The following CNTNAP3B variants were observed in gnomAD, a reference collection of about 807,000 sequenced individuals.
CNTNAP3B encodes contactin-associated protein-like 3B.
CNTNAP3B carries 25 observed loss-of-function variants against 108.9 expected under a neutral mutation model. The ratio of observed to expected loss-of-function variants is 0.23; its 90% confidence interval spans 0.17 to 0.32. The LOEUF (loss-of-function observed/expected upper bound fraction) is 0.32, where lower values mean the gene tolerates loss of function less well. CNTNAP3B is among the 10% of genes least tolerant of loss of function. The pLI is 1.00. For synonymous variants in CNTNAP3B, 103 were observed against 473.4 expected, an observed-to-expected ratio of 0.22 and a Z score of 10.16; for missense variants, 252 against 1,210.4, an observed-to-expected ratio of 0.21 and a Z score of 11.75.
chr9:41,922,496 CAA>C (rs773222501), intron 17 of CNTNAP3B, among the ~76,000 whole-genome samples, 179 bp downstream of exon 17: 1 of 142,482 alleles, frequency 7.0e-6, no homozygotes, highest in Non-Finnish European at 1.5e-5. Flanking sequence ...AACAAACAAA[CAA>C]AAGAAATGTC....
chr9:42,107,645 A>G (rs1828107982), intron 1 of CNTNAP3B, among the ~76,000 whole-genome samples: 1 of 132,040 alleles, frequency 7.6e-6, no homozygotes, highest in Non-Finnish European at 1.6e-5. Context: ...TAATGAAGAA[A>G]ATTTCTGGCA....
rs1826899924 is a variant in CNTNAP3B, at chr9:42,047,682, T to TCTTC, written c.390+29186_390+29187insGAAG. The stretch of plus-strand genomic sequence containing the variant: ...TCCCCCCTTCTGCCCCTTCCTCCCT[T>TCTTC]CCTTCCTTCCTTCCTTCCTTCCTTC... On this transcript the variant is annotated intron_variant, in intron 3 of 23. Coordinates refer to ENST00000377561, the MANE Select transcript of CNTNAP3B (RefSeq NM_001201380.3). Among the ~76,000 whole-genome samples the TCTTC allele has an allele frequency of 7.2e-5, 2 of 27,862 alleles. 1 individual carries two copies. Among genetic ancestry groups the TCTTC allele is most frequent in the East Asian group, 6.8e-3 (2 of 292 alleles). The allele number at this position is 27,862 out of a possible 152,430, so 18.3% of individuals were successfully genotyped here.
chr9:41,945,634 G>T (rs1341856840), intron 13 of CNTNAP3B, among the ~76,000 whole-genome samples: 3 of 152,310 alleles, frequency 2.0e-5, no homozygotes, highest in Admixed American at 6.5e-5. Context: ...GGGGAGAGGG[G>T]AGGAATAGCA....
At chr9:41,894,342 G>A (rs1465548088) in intron 23 of CNTNAP3B, among the ~76,000 whole-genome samples, 1 of 102,466 alleles carries the variant, frequency 9.8e-6, no homozygotes, top group Non-Finnish European at 1.9e-5. Flanking sequence ...TGCCCAGGCT[G>A]GTCTCGAACT....
rs1197373183 is a variant in CNTNAP3B at position 41,967,419 on chromosome 9, G to T, written c.1649+2655C>A. ...TTCTCCTTCACCTTCTGCTATCATT[G>T]TGAGGTCTCCCCAGCCATGTGGAAC... On this transcript the variant is annotated intron_variant, in intron 10 of 23. Transcript: ENST00000377561. 4.6e-5 allele frequency among the ~76,000 whole-genome samples: 7 copies of T among 150,840 alleles called. No homozygotes were observed. The East Asian group carries it at 1.2e-3, about 25-fold the overall frequency.
At chr9:41,932,656 A>T (rs1332983120) in intron 14 of CNTNAP3B, among the ~76,000 whole-genome samples, 1 of 152,134 alleles carries the variant, frequency 6.6e-6, no homozygotes, top group South Asian at 2.1e-4. Context: ...AGTAGCTGGG[A>T]TTACATGCGT....
rs538492216 is a variant in CNTNAP3B at position 41,956,463 on chromosome 9, G to A, written c.1877-3077C>T. Among the ~76,000 whole-genome samples the A allele has an allele frequency of 2.1e-4, 32 of 152,318 alleles. No homozygotes were observed. The East Asian group carries it at 4.0e-3, about 19-fold the overall frequency. On this transcript the variant is annotated intron_variant, in intron 12 of 23. Coordinates refer to ENST00000377561, the MANE Select transcript of CNTNAP3B (RefSeq NM_001201380.3). Reference sequence around the variant, plus strand: ...GCATATGGTTTCACATAGGGAAGTCGCAATATTGTAAGTAGAACTACTGTA... The same window carrying A: ...GCATATGGTTTCACATAGGGAAGTCACAATATTGTAAGTAGAACTACTGTA...
intron 2 of CNTNAP3B, among the ~76,000 whole-genome samples, chr9:42,083,101 T>G (rs1827636095): frequency 7.3e-6 from 1 of 136,142 alleles, no homozygotes; most frequent in Non-Finnish European, 1.6e-5. Context: ...AAGAAAATTA[T>G]TTTGTAATGA....
At chr9:41,935,543 G>T (rs897737339) in intron 14 of CNTNAP3B, among the ~76,000 whole-genome samples, 2 of 152,236 alleles carry the variant, frequency 1.3e-5, no homozygotes, top group African/African-American at 4.8e-5. Flanking sequence ...CATGAGACTG[G>T]TAAATTCCAT....
intron 13 of CNTNAP3B, among the ~76,000 whole-genome samples, chr9:41,939,025 G>A (rs1824247440): frequency 6.6e-6 from 1 of 152,260 alleles, no homozygotes; most frequent in Admixed American, 6.5e-5. Context: ...GTCAACTACA[G>A]CTCTGACGAG....
intron 3 of CNTNAP3B, among the ~76,000 whole-genome samples, chr9:42,054,693 T>TA (rs1207941138): frequency 0.023 from 3,519 of 151,434 alleles, 1 homozygote; most frequent in African/African-American, 0.081. Context: ...CTCATTAATT[T>TA]AAAAAACACC....
intron 2 of CNTNAP3B, among the ~76,000 whole-genome samples, chr9:42,090,840 T>TACACACACAC (rs200483365): frequency 1.3e-5 from 1 of 75,268 alleles, no homozygotes; most frequent in Non-Finnish European, 2.7e-5. Context: ...TGCAACTGAA[T>TACACACACAC]ACACACACAC....
chr9:41,936,033 A>G (rs1053832555), intron 14 of CNTNAP3B, among the ~76,000 whole-genome samples: 8 of 152,380 alleles, frequency 5.3e-5, no homozygotes, highest in African/African-American at 1.7e-4. Flanking sequence ...AGTCTACAAT[A>G]AAGTATGCAC....
intron 13 of CNTNAP3B, among the ~76,000 whole-genome samples, chr9:41,950,927 T>C (rs1379517896): frequency 6.7e-6 from 1 of 148,410 alleles, no homozygotes; most frequent in African/African-American, 2.5e-5. Context: ...GGCTACTTTT[T>C]TGTATTTTTA....
intron 14 of CNTNAP3B, among the ~76,000 whole-genome samples, chr9:41,934,185 A>G (rs1292763301): frequency 2.0e-5 from 2 of 101,526 alleles, no homozygotes; most frequent in East Asian, 4.8e-4. Flanking sequence ...ATACACACAC[A>G]CACATATATA....
At chr9:41,942,566 G>A (rs1230243126) in intron 13 of CNTNAP3B, among the ~76,000 whole-genome samples, 2 of 149,736 alleles carry the variant, frequency 1.3e-5, no homozygotes, top group Non-Finnish European at 3.0e-5. Flanking sequence ...AGCTGAGATG[G>A]CGCCACTGCA....
At position 41,971,010 on chromosome 9, in the gene CNTNAP3B, C is replaced by T. The variant is rs1197769584; in HGVS notation, c.1478-765G>A. Among the ~76,000 whole-genome samples the T allele has an allele frequency of 1.3e-4, 19 of 151,210 alleles. No homozygotes were observed. The East Asian group carries it at 3.7e-3, about 29-fold the overall frequency. ...GATAAAATAGACATTTGATTATTTC[C>T]AATATTAGAAGTTAAATATTAAAAA... On this transcript the variant is annotated intron_variant, in intron 9 of 23. Coordinates refer to ENST00000377561, the MANE Select transcript of CNTNAP3B (RefSeq NM_001201380.3).
chr9:41,926,265 T>A (rs920297766), intron 15 of CNTNAP3B, among the ~76,000 whole-genome samples: 3 of 152,098 alleles, frequency 2.0e-5, no homozygotes, highest in Admixed American at 6.6e-5. Flanking sequence ...ACCTAGCTTC[T>A]AACCCAGTGG....
chr9:41,924,908 G>A (rs1365794133), intron 15 of CNTNAP3B, among the ~76,000 whole-genome samples: 4 of 152,354 alleles, frequency 2.6e-5, no homozygotes, highest in African/African-American at 9.6e-5. Context: ...TCCTCAACTT[G>A]GATTTGTCTG....
Sources: gnomAD v4.1 joint callset for allele counts (sites outside exome capture counted in the v4.1 genomes callset) on GRCh38, gnomAD v4.1.1 for gene constraint, MANE v1.5 for transcripts, NCBI Gene and HGNC (gene_info 2026-07-23, HGNC 2026-07-21) for gene names.